KLF8: variants seen among roughly 807,000 people sequenced by gnomAD.
The protein encoded by KLF8 is KLF transcription factor 8.
KLF8 carries 10 observed loss-of-function variants against 18.2 expected under a neutral mutation model. The ratio of observed to expected loss-of-function variants is 0.55; its 90% confidence interval spans 0.34 to 0.93. The LOEUF (loss-of-function observed/expected upper bound fraction) is 0.93. KLF8 is among the 40% of genes least tolerant of loss of function. KLF8 has a pLI of 0.02. For synonymous variants in KLF8, 109 were observed against 97.3 expected, an observed-to-expected ratio of 1.12 and a Z score of -0.71; for missense variants, 264 against 277.9, an observed-to-expected ratio of 0.95 and a Z score of 0.36.
the KLF8 span, among the ~76,000 whole-genome samples, chrX:56,081,885 T>G: frequency 8.9e-6 from 1 of 112,051 alleles, no homozygotes; most frequent in Non-Finnish European, 1.9e-5. Context: ...GATTTTTGCA[T>G]CAACATTCAT....
chrX:56,075,362 A>T, the KLF8 span, among the ~76,000 whole-genome samples: 54 of 110,739 alleles, frequency 4.9e-4, no homozygotes, highest in African/African-American at 1.6e-3. Flanking sequence ...GTAGCTTTTT[A>T]AATTTTTTTT....
chrX:56,265,315 G>A lies in KLF8; in HGVS notation c.217G>A (p.Glu73Lys). ...FNDIKIEPPE[E>K]LLASDFSLPQ... ...TGACATCAAGATTGAGCCCCCAGAA[G>A]AACTTTTGGCTAGTGATTTCAGCCT... Residue 73 changes from glutamate to lysine, a missense_variant, in exon 3 of 6, where the codon GAA becomes AAA. This residue lies in a region of KLF8 where 221 missense variants were observed against 193.6 expected (regional missense o/e 1.14). Transcript: ENST00000468660. The A allele has an allele frequency of 2.5e-6, 3 of 1,207,881 alleles. No homozygotes were observed. The highest frequency in any genetic ancestry group is 3.4e-6 in the Non-Finnish European group (3 of 893,502).
the KLF8 span, among the ~76,000 whole-genome samples, chrX:56,179,152 C>A: frequency 2.7e-5 from 3 of 111,660 alleles, no homozygotes; most frequent in African/African-American, 6.5e-5. Context: ...TTGTTTGTGC[C>A]CTCTTTTATT....
the KLF8 span, among the ~76,000 whole-genome samples, chrX:56,152,954 G>A: frequency 3.6e-5 from 4 of 111,449 alleles, no homozygotes; most frequent in Non-Finnish European, 7.5e-5. Context: ...TTAGATTGTT[G>A]AGCAATAGCT....
chrX:56,133,732 T>C, the KLF8 span, among the ~76,000 whole-genome samples: 1 of 111,296 alleles, frequency 9.0e-6, no homozygotes, highest in African/African-American at 3.3e-5. Flanking sequence ...ACTATAACTG[T>C]TTTCTGATGA....
the KLF8 span, among the ~76,000 whole-genome samples, chrX:56,069,406 C>G: frequency 4.5e-5 from 5 of 111,710 alleles, no homozygotes; most frequent in Admixed American, 9.4e-5. Flanking sequence ...TGCTGTCCCC[C>G]ACTACTAGTA....
chrX:56,003,057 C>T, the KLF8 span, among the ~76,000 whole-genome samples: 6 of 111,654 alleles, frequency 5.4e-5, no homozygotes, highest in African/African-American at 1.6e-4. Context: ...TTCCTTTCTT[C>T]CTCCTTCTCT....
At chrX:56,206,159 A>G in the KLF8 span, among the ~76,000 whole-genome samples, 2 of 111,325 alleles carry the variant, frequency 1.8e-5, no homozygotes, top group Non-Finnish European at 3.8e-5. Flanking sequence ...CCTTCCCTTG[A>G]CACATGGGGA....
intron 2 of KLF8, among the ~76,000 whole-genome samples, chrX:56,257,027 A>G (rs957667149): frequency 2.7e-5 from 3 of 111,900 alleles, no homozygotes; most frequent in African/African-American, 9.7e-5. Flanking sequence ...AATTTCCCTA[A>G]TTAAGTTAAA....
chrX:56,034,593 G>A, the KLF8 span, among the ~76,000 whole-genome samples: 1 of 110,624 alleles, frequency 9.0e-6, no homozygotes, highest in Non-Finnish European at 1.9e-5. Context: ...ATAGTGATAA[G>A]ATCAGGGTAA....
chrX:56,194,289 T>G, the KLF8 span, among the ~76,000 whole-genome samples: 2 of 110,799 alleles, frequency 1.8e-5, no homozygotes, highest in Non-Finnish European at 3.8e-5. Flanking sequence ...GTGAAAGGGG[T>G]TGGGGGATAT....
chrX:56,058,159 CATAT>C, the KLF8 span, among the ~76,000 whole-genome samples: 3 of 79,788 alleles, frequency 3.8e-5, no homozygotes, highest in African/African-American at 1.1e-4. Flanking sequence ...CAGTGTTGGG[CATAT>C]ATATATATAT....
At chrX:56,080,550 A>T in the KLF8 span, among the ~76,000 whole-genome samples, 1 of 111,421 alleles carries the variant, frequency 9.0e-6, no homozygotes, top group Non-Finnish European at 1.9e-5. Context: ...CTTTGAGGGT[A>T]ACCCGACCTT....
the KLF8 span, among the ~76,000 whole-genome samples, chrX:56,044,617 G>T: frequency 8.9e-6 from 1 of 112,746 alleles, no homozygotes; most frequent in Non-Finnish European, 1.9e-5. Context: ...GCACTGTGGG[G>T]GACCATCCCT....
the KLF8 span, among the ~76,000 whole-genome samples, chrX:56,185,765 A>C: frequency 1.9e-4 from 21 of 111,874 alleles, no homozygotes; most frequent in Non-Finnish European, 3.8e-4. Flanking sequence ...TTTCATATCC[A>C]GCCAAACTAA....
intron 1 of KLF8, among the ~76,000 whole-genome samples, chrX:56,233,625 C>T (rs1481860612): frequency 2.7e-5 from 3 of 111,737 alleles, no homozygotes; most frequent in South Asian, 3.7e-4. Context: ...TCTCCCCTGG[C>T]TCGGCACTCC....
the KLF8 span, among the ~76,000 whole-genome samples, chrX:56,061,331 T>C: frequency 8.9e-6 from 1 of 112,164 alleles, no homozygotes; most frequent in Non-Finnish European, 1.9e-5. Flanking sequence ...CAAACACTGC[T>C]TTAGCTGTAT....
the KLF8 span, among the ~76,000 whole-genome samples, chrX:56,224,125 T>C: frequency 9.0e-6 from 1 of 110,860 alleles, no homozygotes; most frequent in Non-Finnish European, 1.9e-5. Flanking sequence ...GATTTTGGAA[T>C]GGTAAATTTT....
the KLF8 span, among the ~76,000 whole-genome samples, chrX:55,919,689 A>G: frequency 9.0e-6 from 1 of 110,948 alleles, no homozygotes; most frequent in Non-Finnish European, 1.9e-5. Flanking sequence ...ACAGGGAACC[A>G]CACCCCAGCC....
Sources: allele counts gnomAD v4.1 joint callset (sites outside exome capture counted in the v4.1 genomes callset), GRCh38; gene constraint gnomAD v4.1.1; regional missense constraint gnomAD v4.1.1; transcripts MANE v1.5; gene names NCBI Gene and HGNC (gene_info 2026-07-23, HGNC 2026-07-21).